SYNE1: variants seen among roughly 807,000 people sequenced by gnomAD.
SYNE1 encodes the protein spectrin repeat containing nuclear envelope protein 1, also known as nesprin-1.
A neutral mutation model predicts 1,111.0 loss-of-function variants in SYNE1; 616 were observed. That is an observed-to-expected ratio of 0.55 (90% confidence interval 0.52 to 0.59). The LOEUF is 0.59. Ranked by LOEUF, SYNE1 falls within the 20% of genes least tolerant of loss-of-function variation. SYNE1 has a pLI of 0.00. For synonymous variants in SYNE1, 3,855 were observed against 3,825.8 expected (o/e 1.01, Z -0.28); for missense variants, 10,006 against 10,417.0 (o/e 0.96, Z 1.72).
intron 123 of SYNE1, among the ~76,000 whole-genome samples, chr6:152,212,465 T>C (rs568714273): frequency 3.3e-5 from 5 of 152,340 alleles, no homozygotes; most frequent in Admixed American, 3.3e-4. Flanking sequence ...ACCTTATTCC[T>C]TTTTATTGCA....
chr6:152,289,908 G>A (rs530728208), intron 95 of SYNE1, among the ~76,000 whole-genome samples: 335 of 147,832 alleles, frequency 2.3e-3, no homozygotes, highest in African/African-American at 7.3e-3. Context: ...TTACAGGCAT[G>A]AGCTACCGCG....
intron 3 of SYNE1, among the ~76,000 whole-genome samples, chr6:152,565,746 G>C (rs769904751): frequency 2.6e-5 from 4 of 151,060 alleles, no homozygotes; most frequent in African/African-American, 7.3e-5. Flanking sequence ...ATGGTTTTCA[G>C]TTGTTTTACA....
chr6:152,406,332 G>T (rs1316262418), intron 45 of SYNE1, among the ~76,000 whole-genome samples: 1 of 151,904 alleles, frequency 6.6e-6, no homozygotes, highest in Non-Finnish European at 1.5e-5. Flanking sequence ...TTTGAATAAG[G>T]AAAAATAGAT....
rs1391673733 is a variant in SYNE1, at chr6:152,385,661, T to C, written c.8652+13A>G. ...TGAAGCAATGTAGATATAGCATCTG[T>C]TCATTTCCTGACCTTAATTTTTGAT... On this transcript the variant is annotated intron_variant, in intron 55 of 145. Transcript: ENST00000367255. 26 of 1,614,010 alleles carry C rather than the reference T, an allele frequency of 1.6e-5. No homozygotes were observed. Among genetic ancestry groups the C allele is most frequent in the Non-Finnish European group, 2.2e-5 (26 of 1,179,874 alleles).
At chr6:152,211,223 A>T (rs1431751395) in intron 124 of SYNE1, among the ~76,000 whole-genome samples, 2 of 152,308 alleles carry the variant, frequency 1.3e-5, no homozygotes, top group African/African-American at 4.8e-5. Flanking sequence ...TCTATTCATT[A>T]ATTCCATTTC....
intron 97 of SYNE1, among the ~76,000 whole-genome samples, chr6:152,280,656 G>C (rs1249555649): frequency 6.6e-6 from 1 of 152,174 alleles, no homozygotes; most frequent in African/African-American, 2.4e-5. Flanking sequence ...ATCTTCACAA[G>C]AGAGAGGTGG....
At chr6:152,348,750 T>G (rs1229461942) in intron 72 of SYNE1, among the ~76,000 whole-genome samples, 1 of 99,824 alleles carries the variant, frequency 1.0e-5, no homozygotes, top group African/African-American at 3.4e-5. Flanking sequence ...TCTAGTGTTT[T>G]TTTTTTTTCC....
At chr6:152,498,443 T>C (rs1206937263) in intron 11 of SYNE1, among the ~76,000 whole-genome samples, 2 of 152,224 alleles carry the variant, frequency 1.3e-5, no homozygotes, top group African/African-American at 4.8e-5. Context: ...CATACGTAGT[T>C]ACTGTAAGTC....
chr6:152,425,650 A>T (rs1325636874), intron 38 of SYNE1, 103 bp from the exon 39 acceptor site: 1 of 1,345,952 alleles, frequency 7.4e-7, no homozygotes, highest in Non-Finnish European at 1.1e-6. Context: ...TTCTTGCAAA[A>T]TGCAAGTCAT....
At chr6:152,470,699 A>T (rs906002729) in intron 16 of SYNE1, among the ~76,000 whole-genome samples, 3 of 152,200 alleles carry the variant, frequency 2.0e-5, no homozygotes, top group African/African-American at 7.2e-5. Context: ...CTTCAAGCAG[A>T]ACATGTTTTA....
At chr6:152,363,544 T>TAAATAA (rs2096988160) in intron 63 of SYNE1, among the ~76,000 whole-genome samples, 2 of 126,458 alleles carry the variant, frequency 1.6e-5, no homozygotes, top group African/African-American at 6.0e-5. Context: ...TAAATAAATA[T>TAAATAA]AAAAATAAAT....
At chr6:152,132,721 A>C (rs2056107384) in intron 143 of SYNE1, among the ~76,000 whole-genome samples, 1 of 152,200 alleles carries the variant, frequency 6.6e-6, no homozygotes, top group Non-Finnish European at 1.5e-5. Context: ...GCATGTGTTC[A>C]TGGCAGGATT....
At chr6:152,317,443 T>G (rs2153896727) in intron 86 of SYNE1, among the ~76,000 whole-genome samples, 1 of 152,152 alleles carries the variant, frequency 6.6e-6, no homozygotes, top group East Asian at 1.9e-4. Context: ...CTCAAACTCC[T>G]AGGCTCAAGT....
Position 152,163,481 on chromosome 6 carries a change from A to G in SYNE1, c.23790+682T>C, listed in dbSNP as rs190143476. 6.8e-5 allele frequency among the ~76,000 whole-genome samples: 10 copies of G among 146,628 alleles called. No homozygotes were observed. The East Asian group carries it at 1.4e-3, about 21-fold the overall frequency. On this transcript the variant is annotated intron_variant, in intron 131 of 145. Transcript: ENST00000367255. ...ACTACTACACTCCAGCCTGGGCAAC[A>G]GAGTGAGACTCTGTCTCAGGAAAAA...
At chr6:152,416,295 T>G (rs2154181650) in intron 41 of SYNE1, 92 bp downstream of exon 41, 1 of 1,567,456 alleles carries the variant, frequency 6.4e-7, no homozygotes, top group Middle Eastern at 1.7e-4. Context: ...TTTATTTTCC[T>G]TGAACAGTAC....
In SYNE1 at chr6:152,195,784, T is replaced by C. The variant is rs531477705; in HGVS notation, c.23145+6040A>G. Among the ~76,000 whole-genome samples the C allele has an allele frequency of 2.2e-4, 33 of 152,232 alleles. 1 individual carries two copies. In the South Asian group the frequency reaches 6.2e-3, roughly 29 times the overall value. ...CCTGAAGCCAGCACAGCACTGGCTC[T>C]CTCCCAAGGCCCACTGTAACCACTA... On this transcript the variant is annotated intron_variant, in intron 127 of 145. Transcript: ENST00000367255.
At chr6:152,487,304 G>T (rs1385361583) in intron 12 of SYNE1, among the ~76,000 whole-genome samples, 1 of 152,166 alleles carries the variant, frequency 6.6e-6, no homozygotes, top group Non-Finnish European at 1.5e-5. Context: ...GCAGGGTTTG[G>T]TTTTCTGTTC....
At position 152,122,941 on chromosome 6, in the gene SYNE1, A is replaced by G. The variant is rs966363318; in HGVS notation, c.26154-265T>C. On this transcript the variant is annotated intron_variant, in intron 145 of 145. Transcript: ENST00000367255. ...CAAATTCTACTCCTTTTACCCCTTA[A>G]TGTGGTGAAACATTTTCTATCAACG... Among the ~76,000 whole-genome samples, 3 of 152,218 alleles carry G rather than the reference A, an allele frequency of 2.0e-5. No individual in the cohort carries two copies. The East Asian group carries it at 5.8e-4, about 29-fold the overall frequency.
chr6:152,227,553 G>A (rs931274051), intron 115 of SYNE1, among the ~76,000 whole-genome samples: 4 of 152,046 alleles, frequency 2.6e-5, no homozygotes, highest in African/African-American at 9.6e-5. Context: ...TGATTGCTGG[G>A]GTTACAGGTC....
Sources: allele counts gnomAD v4.1 joint callset (sites outside exome capture counted in the v4.1 genomes callset), GRCh38; gene constraint gnomAD v4.1.1; transcripts MANE v1.5; gene names NCBI Gene and HGNC (gene_info 2026-07-23, HGNC 2026-07-21).